Variants in NAGK observed in about 807,000 individuals in gnomAD.
NAGK encodes the protein N-acetyl-D-glucosamine kinase.
In NAGK, 35 loss-of-function variants were observed where a neutral mutation model predicts 42.9. That is an observed-to-expected ratio of 0.82 (90% confidence interval 0.62 to 1.08). The LOEUF is 1.08. Ranked by LOEUF, NAGK falls within the 50% of genes least tolerant of loss-of-function variation. The pLI is 0.00. For synonymous variants in NAGK, 172 were observed against 176.0 expected (o/e 0.98, Z 0.18); for missense variants, 446 against 446.0 (o/e 1.00, Z 0.00).
In NAGK at chr2:71,072,430, C is replaced by G. The variant is rs1428845978; in HGVS notation, c.356-211C>G. 3.0e-5 allele frequency: 16 copies of G among 528,156 alleles called. 1 individual carries two copies. The highest frequency in any genetic ancestry group is 5.5e-5 in the Non-Finnish European group (16 of 292,118). The allele number at this position is 528,156 out of a possible 1,614,324, so 32.7% of individuals were successfully genotyped here. On this transcript the variant is annotated intron_variant, in intron 4 of 9. Transcript: ENST00000244204. ...GCAGGCTTGCATTTCTCTTTGTCCC[C>G]CTAGACGAGGGCGTTATGGGATTAG...
chr2:71,071,441 C>T (rs1671997562), intron 3 of NAGK: 1 of 524,726 alleles, frequency 1.9e-6, no homozygotes, highest in Non-Finnish European at 3.3e-6. Flanking sequence ...GCACTACTGC[C>T]CTTCCAAGCT....
At chr2:71,070,919 T>A (rs1671981216) in intron 3 of NAGK, 80 bp downstream of exon 3, 1 of 1,410,272 alleles carries the variant, frequency 7.1e-7, no homozygotes, top group Admixed American at 1.7e-5. Context: ...ATGAGTTTGA[T>A]GACTGCAGAG....
upstream of NAGK, chr2:71,068,604 T>C: frequency 3.3e-6 from 5 of 1,524,558 alleles, no homozygotes; most frequent in Non-Finnish European, 4.4e-6. Context: ...AGTGGGGCGG[T>C]GCCCAGACAG....
At chr2:71,068,807 G>C in intron 1 of NAGK, 95 bp downstream of exon 1, 4 of 1,412,312 alleles carry the variant, frequency 2.8e-6, no homozygotes, top group Non-Finnish European at 3.7e-6. Flanking sequence ...CTCGGCGTCC[G>C]GGCACTTTGG....
intron 7 of NAGK, 149 bp from the exon 8 acceptor site, chr2:71,076,455 A>G (rs1021770074): frequency 3.3e-6 from 2 of 610,352 alleles, no homozygotes. Flanking sequence ...TTGCTTCTCC[A>G]CCTGCCACGA....
intron 4 of NAGK, 147 bp downstream of exon 4, chr2:71,071,974 C>T: frequency 8.6e-7 from 1 of 1,156,684 alleles, no homozygotes; most frequent in Non-Finnish European, 1.2e-6. Context: ...TAAGTCTCTG[C>T]CAGAGCAAGG....
intron 3 of NAGK, 187 bp downstream of exon 3, chr2:71,071,026 G>A (rs1187670611): frequency 3.2e-6 from 2 of 623,514 alleles, no homozygotes; most frequent in African/African-American, 3.7e-5. Context: ...CAAATGTGTT[G>A]GAAGAGCACA....
intron 6 of NAGK, among the ~76,000 whole-genome samples, chr2:71,074,433 C>T (rs1242379818): frequency 6.6e-6 from 1 of 152,206 alleles, no homozygotes; most frequent in Non-Finnish European, 1.5e-5. Flanking sequence ...CAGTTAGTAA[C>T]TGTTAAGCTA....
At chr2:71,073,668 A>C in intron 6 of NAGK, 74 bp downstream of exon 6, 2 of 1,261,594 alleles carry the variant, frequency 1.6e-6, no homozygotes, top group South Asian at 2.4e-5. Flanking sequence ...GAGTGGATGC[A>C]GGGGAGGGCC....
chr2:71,070,434 AC>A, intron 1 of NAGK, 67 bp from the exon 2 acceptor site: 1 of 1,388,404 alleles, frequency 7.2e-7, no homozygotes, highest in Non-Finnish European at 1.0e-6. Context: ...GCCAGTGTGG[AC>A]AGCACAAGCT....
intron 1 of NAGK, chr2:71,070,277 T>C: frequency 2.2e-6 from 1 of 459,116 alleles, no homozygotes; most frequent in South Asian, 2.1e-5. Context: ...GTAAGTAGAG[T>C]CTTGCAGGAT....
chr2:71,072,920 A>G, intron 5 of NAGK, 169 bp downstream of exon 5: 1 of 692,924 alleles, frequency 1.4e-6, no homozygotes, highest in South Asian at 1.5e-5. Flanking sequence ...AGAGGTGCAA[A>G]TGCTGGACGA....
intron 7 of NAGK, 118 bp downstream of exon 7, chr2:71,075,760 G>A: frequency 1.0e-6 from 1 of 991,982 alleles, no homozygotes; most frequent in South Asian, 1.4e-5. Context: ...AGTGACCTCA[G>A]TTCTCTGCCA....
At chr2:71,068,605 G>A (rs368700531), upstream of NAGK, 3 of 1,525,090 alleles carry the variant, frequency 2.0e-6, no homozygotes, top group South Asian at 1.2e-5. Context: ...GTGGGGCGGT[G>A]CCCAGACAGC....
rs994741786 is a variant in NAGK at position 71,079,381 on chromosome 2, G to C, written c.*873G>C. 4 of 152,184 alleles carry C rather than the reference G, an allele frequency of 2.6e-5. No homozygotes were observed. Among genetic ancestry groups the C allele is most frequent in the Non-Finnish European group, 4.4e-5 (3 of 68,030 alleles). The allele number at this position is 152,184 out of a possible 1,614,324, so 9.4% of individuals were successfully genotyped here. On this transcript the variant is annotated 3_prime_UTR_variant, in exon 10 of 10. Coordinates refer to ENST00000244204, the MANE Select transcript of NAGK (RefSeq NM_017567.6). ...GGTGAAGACTAAGGACAGGAGTCTC[G>C]ATCCACAATAGCTGCCTCTCCAGGT... is the stretch of plus-strand genomic sequence containing the variant.
chr2:71,073,429 C>T (rs1442720547), intron 5 of NAGK, 53 bp from the exon 6 acceptor site: 28 of 1,283,912 alleles, frequency 2.2e-5, no homozygotes, highest in Admixed American at 3.4e-5. Flanking sequence ...TTTCCCTCCT[C>T]GTGAGCTCAG....
At chr2:71,068,352 T>C, upstream of NAGK, 2 of 771,622 alleles carry the variant, frequency 2.6e-6, no homozygotes, top group Non-Finnish European at 3.8e-6. Context: ...TGATGTGTCC[T>C]AAGGGTCCGA....
intron 6 of NAGK, 43 bp from the exon 7 acceptor site, chr2:71,075,512 T>C (rs1424566189): frequency 2.0e-6 from 3 of 1,516,730 alleles, no homozygotes; most frequent in South Asian, 2.3e-5. Flanking sequence ...TTGGGGATTT[T>C]CCTTTGCTTC....
intron 8 of NAGK, among the ~76,000 whole-genome samples, chr2:71,077,318 C>T (rs1672247215): frequency 6.6e-6 from 1 of 152,226 alleles, no homozygotes; most frequent in African/African-American, 2.4e-5. Flanking sequence ...ATTTCCCTCA[C>T]TTCTGTCTTT....
Sources: gnomAD v4.1 joint callset for allele counts (sites outside exome capture counted in the v4.1 genomes callset) on GRCh38, gnomAD v4.1.1 for gene constraint, MANE v1.5 for transcripts, NCBI Gene and HGNC (gene_info 2026-07-23, HGNC 2026-07-21) for gene names.